BTBD10: variants seen among roughly 807,000 people sequenced by gnomAD.
BTBD10 encodes the protein BTB domain containing 10, also known as BTB/POZ domain-containing protein 10.
BTBD10 carries 21 observed loss-of-function variants against 53.2 expected under a neutral mutation model. That is an observed-to-expected ratio of 0.39 (90% confidence interval 0.28 to 0.57). BTBD10 has a LOEUF of 0.57. BTBD10 is among the 20% of genes least tolerant of loss of function. The pLI is 0.53. For missense variants in BTBD10, 360 were observed against 594.7 expected (o/e 0.61, Z 4.10); for synonymous variants, 149 against 192.7 (o/e 0.77, Z 1.88).
intron 6 of BTBD10, among the ~76,000 whole-genome samples, chr11:13,413,264 A>G (rs955019578): frequency 6.6e-6 from 1 of 152,202 alleles, no homozygotes; most frequent in Non-Finnish European, 1.5e-5. Flanking sequence ...ACTGGTAACA[A>G]ATAAATAATA....
chr11:13,456,790 C>T (rs1043901168), intron 1 of BTBD10, among the ~76,000 whole-genome samples: 3 of 152,126 alleles, frequency 2.0e-5, no homozygotes, highest in African/African-American at 7.2e-5. Context: ...AAATTAACAC[C>T]TCCAATTTTG....
intron 6 of BTBD10, among the ~76,000 whole-genome samples, chr11:13,409,044 A>C (rs1023139158): frequency 3.9e-5 from 6 of 152,098 alleles, no homozygotes; most frequent in African/African-American, 1.4e-4. Flanking sequence ...CATATCTTCC[A>C]ATCTCACTCA....
chr11:13,412,304 T>A (rs368154664), intron 6 of BTBD10, among the ~76,000 whole-genome samples: 57 of 152,084 alleles, frequency 3.7e-4, no homozygotes, highest in African/African-American at 1.3e-3. Context: ...AACAAAAAAA[T>A]TAGCCAGGTG....
chr11:13,429,365 G>T (rs920571602), intron 2 of BTBD10, among the ~76,000 whole-genome samples: 3 of 152,112 alleles, frequency 2.0e-5, no homozygotes. Flanking sequence ...ACAGTTGGAA[G>T]ACTAACATGA....
At chr11:13,433,773 T>C (rs1950497736) in intron 2 of BTBD10, among the ~76,000 whole-genome samples, 1 of 151,996 alleles carries the variant, frequency 6.6e-6, no homozygotes, top group South Asian at 2.1e-4. Flanking sequence ...CCAAAAATAT[T>C]CACTATCCAG....
Position 13,406,560 on chromosome 11 carries a change from TGAGAGA to T in BTBD10, c.809-710_809-705del, listed in dbSNP as rs72242186. Among the ~76,000 whole-genome samples the T allele has an allele frequency of 4.0e-3, 572 of 141,398 alleles. 3 individuals carry two copies. The highest frequency in any genetic ancestry group is 0.011 in the Middle Eastern group (3 of 274). The allele number at this position is 141,398 out of a possible 152,430, so 92.8% of individuals were successfully genotyped here. On this transcript the variant is annotated intron_variant, in intron 6 of 8. Transcript: ENST00000278174. ...CAACCATGGCAACCATACGCATGAG[TGAGAGA>T]GAGAGAGAGAGAGAGAGAGAGAAAC...
intron 8 of BTBD10, among the ~76,000 whole-genome samples, chr11:13,401,750 ACTTAC>A (rs1371060732): frequency 2.0e-5 from 3 of 152,182 alleles, no homozygotes; most frequent in Non-Finnish European, 2.9e-5. Context: ...AGGCTGAGGG[ACTTAC>A]CTTAAGACAC....
At chr11:13,407,942 G>A (rs1009334507) in intron 6 of BTBD10, among the ~76,000 whole-genome samples, 1 of 152,164 alleles carries the variant, frequency 6.6e-6, no homozygotes, top group African/African-American at 2.4e-5. Flanking sequence ...TATTCTGTTT[G>A]ACATTCCTAG....
chr11:13,443,513 A>C (rs959839510), intron 2 of BTBD10, among the ~76,000 whole-genome samples: 2 of 152,138 alleles, frequency 1.3e-5, no homozygotes, highest in African/African-American at 4.8e-5. Flanking sequence ...TAGGATGAAT[A>C]CTATATAATT....
chr11:13,419,353 A>C, intron 4 of BTBD10, 107 bp downstream of exon 4: 19 of 1,396,984 alleles, frequency 1.4e-5, no homozygotes, highest in Non-Finnish European at 1.8e-5. Context: ...TCTGTAAAAC[A>C]GAAATGTTAC....
intron 2 of BTBD10, among the ~76,000 whole-genome samples, chr11:13,436,672 C>G (rs1950548530): frequency 6.6e-6 from 1 of 152,212 alleles, no homozygotes; most frequent in Non-Finnish European, 1.5e-5. Flanking sequence ...TAACTTCAAA[C>G]AAGTCTGACT....
intron 4 of BTBD10, among the ~76,000 whole-genome samples, chr11:13,418,035 A>G (rs571160474): frequency 1.3e-5 from 2 of 152,268 alleles, no homozygotes; most frequent in South Asian, 4.1e-4. Flanking sequence ...AGAAAATTTA[A>G]AAATCATGAT....
intron 8 of BTBD10, among the ~76,000 whole-genome samples, chr11:13,401,906 G>A (rs1370674931): frequency 6.6e-6 from 1 of 152,034 alleles, no homozygotes; most frequent in Admixed American, 6.6e-5. Context: ...TATGTTTTCT[G>A]TACCACAAAT....
chr11:13,390,778 A>T (rs1429208002), intron 8 of BTBD10, among the ~76,000 whole-genome samples: 1 of 152,234 alleles, frequency 6.6e-6, no homozygotes, highest in Non-Finnish European at 1.5e-5. Context: ...ATTACTGCAT[A>T]AGGGAATGCA....
intron 2 of BTBD10, among the ~76,000 whole-genome samples, chr11:13,441,316 A>C (rs1950644821): frequency 2.0e-5 from 3 of 152,088 alleles, no homozygotes; most frequent in Admixed American, 2.0e-4. Flanking sequence ...CCCAACACAA[A>C]AAAAGATAAA....
Position 13,405,780 on chromosome 11 carries a change from A to C in BTBD10, c.885T>G (p.Pro295=). 1 of 1,613,844 alleles carries C rather than the reference A, an allele frequency of 6.2e-7. No homozygotes were observed. Among genetic ancestry groups the C allele is most frequent in the Non-Finnish European group, 8.5e-7 (1 of 1,179,788 alleles). ...FEFYLEEMIL[P]LMVASAQSGE... The stretch of plus-strand genomic sequence containing the variant: ...CACTCTGGGCACTAGCTACCATGAG[A>C]GGGAGGATCATTTCTTCCAGATAAA... Residue 295 remains proline (P), a synonymous_variant, in exon 7 of 9, where the codon CCT becomes CCG. Transcript: ENST00000278174.
At chr11:13,408,964 C>G (rs539271183) in intron 6 of BTBD10, among the ~76,000 whole-genome samples, 1 of 152,318 alleles carries the variant, frequency 6.6e-6, no homozygotes, top group South Asian at 2.1e-4. Flanking sequence ...TCTGTGTGAA[C>G]AGGGCCCCCA....
At chr11:13,448,122 A>AC (rs1205475198) in intron 1 of BTBD10, among the ~76,000 whole-genome samples, 10 of 152,306 alleles carry the variant, frequency 6.6e-5, no homozygotes, top group Admixed American at 6.5e-4. Flanking sequence ...ATAAGCATTT[A>AC]CTACAATATG....
In BTBD10 at chr11:13,458,741, C is replaced by T. The variant is rs375944919; in HGVS notation, c.-58+4351G>A. Among the ~76,000 whole-genome samples the T allele has an allele frequency of 3.3e-3, 502 of 152,284 alleles. 4 individuals carry two copies. The highest frequency in any genetic ancestry group is 0.012 in the African/African-American group (485 of 41,570). On this transcript the variant is annotated intron_variant, in intron 1 of 8. Coordinates refer to ENST00000278174, the MANE Select transcript of BTBD10 (RefSeq NM_032320.7). ...ACAATTTGGAAAACTAAGTAAGAAA[C>T]AAGAATGTCTCGCAGTTAACCATCT...
Sources: gnomAD v4.1 joint callset for allele counts (sites outside exome capture counted in the v4.1 genomes callset) on GRCh38, gnomAD v4.1.1 for gene constraint, MANE v1.5 for transcripts, NCBI Gene and HGNC (gene_info 2026-07-23, HGNC 2026-07-21) for gene names.